TLN2: variants seen among roughly 807,000 people sequenced by gnomAD.
The protein encoded by TLN2 is talin 2, also known as talin-2.
TLN2 carries 118 observed loss-of-function variants against 294.7 expected under a neutral mutation model. That is an observed-to-expected ratio of 0.40 (90% CI 0.34 to 0.47). The LOEUF (loss-of-function observed/expected upper bound fraction) is 0.47, where lower values mean the gene tolerates loss of function less well. Ranked by LOEUF, TLN2 falls within the 20% of genes least tolerant of loss-of-function variation. TLN2 has a pLI of 0.84. For missense variants in TLN2, 3,083 were observed against 3,282.2 expected, an observed-to-expected ratio of 0.94 and a Z score of 1.48; for synonymous variants, 1,431 against 1,304.5, an observed-to-expected ratio of 1.10 and a Z score of -2.09.
At chr15:62,825,553 G>A (rs1011242469) in intron 54 of TLN2, among the ~76,000 whole-genome samples, 5 of 150,304 alleles carry the variant, frequency 3.3e-5, no homozygotes, top group Non-Finnish European at 5.9e-5. Context: ...TACAGGGTGT[G>A]AAAAGCAAGT....
At chr15:62,467,454 A>T (rs2140354381) in intron 1 of TLN2, among the ~76,000 whole-genome samples, 1 of 152,290 alleles carries the variant, frequency 6.6e-6, no homozygotes, top group Middle Eastern at 3.4e-3. Context: ...GCACTTTGGG[A>T]GGTCGAGGTG....
intron 1 of TLN2, among the ~76,000 whole-genome samples, chr15:62,548,765 G>A (rs1266016954): frequency 1.3e-5 from 2 of 152,154 alleles, no homozygotes; most frequent in Non-Finnish European, 2.9e-5. Flanking sequence ...CAGATCCTGT[G>A]GCTGCTATGT....
At chr15:62,536,331 A>C (rs903703589) in intron 1 of TLN2, among the ~76,000 whole-genome samples, 2 of 152,164 alleles carry the variant, frequency 1.3e-5, no homozygotes, top group African/African-American at 4.8e-5. Context: ...ACTCACTTCC[A>C]GGTTAGAGGT....
chr15:62,498,153 C>CAAAAAAA (rs538951284), intron 1 of TLN2, among the ~76,000 whole-genome samples: 2 of 93,408 alleles, frequency 2.1e-5, no homozygotes, highest in Non-Finnish European at 4.4e-5. Context: ...GACCCTGCCT[C>CAAAAAAA]AAAAAAAAAA....
At chr15:62,501,539 G>A (rs991155892) in intron 1 of TLN2, among the ~76,000 whole-genome samples, 4 of 152,170 alleles carry the variant, frequency 2.6e-5, no homozygotes, top group African/African-American at 7.2e-5. Context: ...GTTAATTCCT[G>A]GTTAGGGCTT....
rs145437965 is a variant in TLN2 at position 62,657,782 on chromosome 15, C to T, written c.672C>T (p.Asp224=). ...LNLLYVQARD[D]ILNGSHPVSF... ...CTCTTGTGTTTCAGGCACGGGATGA[C>T]ATCCTGAATGGCTCTCACCCTGTCT... The change falls in exon 9 of 59, where the codon GAC becomes GAT. Residue 224 remains aspartate (D), a synonymous_variant. Coordinates refer to ENST00000636159, the MANE Select transcript of TLN2 (RefSeq NM_015059.3). 42 of 1,611,938 alleles carry T rather than the reference C, an allele frequency of 2.6e-5. No homozygotes were observed. In the African/African-American group the frequency reaches 5.6e-4, roughly 22 times the overall value.
chr15:62,565,914 G>A (rs1028533672), intron 1 of TLN2, among the ~76,000 whole-genome samples: 1 of 89,454 alleles, frequency 1.1e-5, no homozygotes, highest in Non-Finnish European at 2.2e-5. Flanking sequence ...TACTAGCTGT[G>A]TGTGTGTGTG....
At chr15:62,694,652 C>G (rs190976549) in intron 14 of TLN2, among the ~76,000 whole-genome samples, 1 of 152,310 alleles carries the variant, frequency 6.6e-6, no homozygotes, top group East Asian at 1.9e-4. Flanking sequence ...AGTAAGTGTT[C>G]ATGAGTCCTG....
chr15:62,603,370 CTA>C (rs1197080892), intron 2 of TLN2, among the ~76,000 whole-genome samples: 1 of 152,132 alleles, frequency 6.6e-6, no homozygotes, highest in East Asian at 1.9e-4. Flanking sequence ...AAGGCATACT[CTA>C]TGCACGTTTC....
intron 25 of TLN2, 32 bp downstream of exon 25, chr15:62,719,912 C>G (rs769000790): frequency 1.1e-5 from 16 of 1,519,186 alleles, no homozygotes; most frequent in Non-Finnish European, 1.3e-5. Flanking sequence ...TGGGCTCACT[C>G]AGAGCCCTCT....
At chr15:62,406,133 A>G (rs1351179184) in intron 1 of TLN2, among the ~76,000 whole-genome samples, 1 of 152,242 alleles carries the variant, frequency 6.6e-6, no homozygotes, top group East Asian at 1.9e-4. Flanking sequence ...GAGCTGCTGT[A>G]ACAAAGTACC....
At chr15:62,816,318 A>G (rs1412490891) in intron 52 of TLN2, among the ~76,000 whole-genome samples, 1 of 152,248 alleles carries the variant, frequency 6.6e-6, no homozygotes, top group Admixed American at 6.5e-5. Context: ...AAAAGCCGCT[A>G]CTTTGCCTCT....
At position 62,766,386 on chromosome 15, in the gene TLN2, A is replaced by G. The variant is rs775617941; in HGVS notation, c.5160A>G (p.Thr1720=). ...EIGHLIDPIA[T]AARGEAAQLG... ...GACACCTTATCGATCCCATCGCCAC[A>G]GCGGCTCGGGGAGAAGCAGCTCAGC... Residue 1720 remains threonine (T), a synonymous_variant, in exon 41 of 59, where the codon ACA becomes ACG. Transcript: ENST00000636159. 2 of 1,612,510 alleles carry G rather than the reference A, an allele frequency of 1.2e-6. No individual in the cohort carries two copies. Among genetic ancestry groups the G allele is most frequent in the Non-Finnish European group, 1.7e-6 (2 of 1,178,664 alleles).
At chr15:62,483,253 T>C (rs987000949) in intron 1 of TLN2, among the ~76,000 whole-genome samples, 4 of 152,170 alleles carry the variant, frequency 2.6e-5, no homozygotes, top group African/African-American at 9.7e-5. Flanking sequence ...ATCTTGCATT[T>C]AACAGGAATG....
At position 62,748,333 on chromosome 15, in the gene TLN2, AT is replaced by A; in HGVS notation, c.4026-16del. ...GTTGATCTTCAAAAAAAAAAAAAAA[AT>A]TCTGTTTCTGTCACAGAGCTGTGAC... is the stretch of plus-strand genomic sequence containing the variant. On this transcript the variant is annotated splice_polypyrimidine_tract_variant and intron_variant, in intron 32 of 58. Transcript: ENST00000636159. 1.3e-6 allele frequency: 2 copies of A among 1,575,754 alleles called. No individual in the cohort carries two copies. The highest frequency in any genetic ancestry group is 2.2e-5 in the East Asian group (1 of 44,636).
At chr15:62,560,369 T>C (rs1221505856) in intron 1 of TLN2, among the ~76,000 whole-genome samples, 1 of 152,118 alleles carries the variant, frequency 6.6e-6, no homozygotes, top group African/African-American at 2.4e-5. Context: ...GCCTCCCAAG[T>C]GGCAATGACC....
At position 62,835,966 on chromosome 15, in the gene TLN2, G is replaced by A. The variant is rs764307373; in HGVS notation, c.7267G>A (p.Glu2423Lys). 8.7e-6 allele frequency: 14 copies of A among 1,614,210 alleles called. No homozygotes were observed. Among genetic ancestry groups the A allele is most frequent in the Non-Finnish European group, 1.2e-5 (14 of 1,180,026 alleles). The change falls in exon 57 of 59, where the codon GAG becomes AAG. Residue 2423 changes from glutamate (E) to lysine (K), a missense_variant. Transcript: ENST00000636159. ...CTCCGTTCAGGGACACGCCAGCGAG[G>A]AGAAGCTCATCTCATCTGCCAAGCA... ...NASVQGHASE[E>K]KLISSAKQVA...
At chr15:62,450,848 G>C (rs1426648121) in intron 1 of TLN2, among the ~76,000 whole-genome samples, 1 of 151,666 alleles carries the variant, frequency 6.6e-6, no homozygotes, top group Admixed American at 6.6e-5. Flanking sequence ...TGGGATTATA[G>C]GCATGAGCTA....
intron 16 of TLN2, among the ~76,000 whole-genome samples, chr15:62,699,829 C>A (rs2058602987): frequency 1.3e-5 from 2 of 152,188 alleles, no homozygotes; most frequent in East Asian, 1.9e-4. Flanking sequence ...CAGTTCTGAC[C>A]AAATAAATCG....
Sources: gnomAD v4.1 joint callset for allele counts (sites outside exome capture counted in the v4.1 genomes callset) on GRCh38, gnomAD v4.1.1 for gene constraint, MANE v1.5 for transcripts, NCBI Gene and HGNC (gene_info 2026-07-23, HGNC 2026-07-21) for gene names.